Variants in DLG2 observed in about 807,000 individuals in gnomAD.
The protein encoded by DLG2 is disks large homolog 2.
DLG2 carries 45 observed loss-of-function variants against 132.5 expected under a neutral mutation model. The observed-to-expected ratio is 0.34, with a 90% CI of 0.27 to 0.44. The LOEUF (loss-of-function observed/expected upper bound fraction) is 0.44. Ranked by LOEUF, DLG2 falls within the 20% of genes least tolerant of loss-of-function variation. The probability of loss-of-function intolerance (pLI) is 1.00; values close to 1 mark genes in which losing one functional copy is unlikely to be tolerated. For synonymous variants in DLG2, 424 were observed against 419.6 expected, an observed-to-expected ratio of 1.01 and a Z score of -0.13; for missense variants, 1,045 against 1,196.9, an observed-to-expected ratio of 0.87 and a Z score of 1.87.
At chr11:84,059,709 G>C (rs1336477979) in intron 10 of DLG2, among the ~76,000 whole-genome samples, 1 of 152,130 alleles carries the variant, frequency 6.6e-6, no homozygotes, top group Non-Finnish European at 1.5e-5. Flanking sequence ...CTACTGGTCA[G>C]TTCCCATCCT....
intron 4 of DLG2, among the ~76,000 whole-genome samples, chr11:85,221,477 T>C (rs1213160466): frequency 2.0e-5 from 3 of 152,226 alleles, no homozygotes; most frequent in South Asian, 2.1e-4. Flanking sequence ...CTGTTGAACA[T>C]TGTGACCTCT....
intron 3 of DLG2, among the ~76,000 whole-genome samples, chr11:85,540,223 T>A (rs1037590613): frequency 1.3e-5 from 2 of 152,176 alleles, no homozygotes; most frequent in African/African-American, 4.8e-5. Context: ...CTTGTTTCCG[T>A]ACCCAAATGT....
chr11:85,080,844 T>TG (rs2067142914), intron 6 of DLG2, among the ~76,000 whole-genome samples: 2 of 152,130 alleles, frequency 1.3e-5, no homozygotes, highest in Non-Finnish European at 2.9e-5. Context: ...TCTGTAACCT[T>TG]GGGGTGATTA....
intron 3 of DLG2, among the ~76,000 whole-genome samples, chr11:85,503,608 T>A (rs1448662214): frequency 6.6e-6 from 1 of 152,054 alleles, no homozygotes; most frequent in Non-Finnish European, 1.5e-5. Flanking sequence ...TAATGGGTTA[T>A]CATGGGAGTG....
At chr11:84,641,343 C>T (rs964589160) in intron 6 of DLG2, among the ~76,000 whole-genome samples, 7 of 152,142 alleles carry the variant, frequency 4.6e-5, no homozygotes, top group African/African-American at 1.4e-4. Context: ...ATTGCCTAAC[C>T]CATAGTAAGC....
intron 4 of DLG2, among the ~76,000 whole-genome samples, chr11:85,271,427 C>T (rs906090237): frequency 6.6e-6 from 1 of 152,230 alleles, no homozygotes; most frequent in African/African-American, 2.4e-5. Flanking sequence ...GTGGGTGCCC[C>T]CACACAGAGT....
rs190515236 is a variant in DLG2, at chr11:83,812,122, C to T, written c.1722+21492G>A. ...CTACTGAGCTGGAAACACTCTTCTT[C>T]GTAGCCACATGTCATGCTGCCACCC... On this transcript the variant is annotated intron_variant, in intron 17 of 27. Transcript: ENST00000376104. Among the ~76,000 whole-genome samples, 193 of 152,226 alleles carry T rather than the reference C, an allele frequency of 1.3e-3. 1 individual carries two copies. Among genetic ancestry groups the T allele is most frequent in the African/African-American group, 4.3e-3 (178 of 41,556 alleles).
chr11:85,323,916 G>C (rs1300646205), intron 3 of DLG2, among the ~76,000 whole-genome samples: 1 of 152,096 alleles, frequency 6.6e-6, no homozygotes, highest in Non-Finnish European at 1.5e-5. Flanking sequence ...TGGACACTTT[G>C]CCAATTCACC....
rs1246644257 is a variant in DLG2, at chr11:83,951,973, A to G, written c.1340+10912T>C. Among the ~76,000 whole-genome samples the G allele has an allele frequency of 2.0e-5, 3 of 152,182 alleles. 1 individual carries two copies. The highest frequency in any genetic ancestry group is 2.9e-5 in the Non-Finnish European group (2 of 68,042). The stretch of plus-strand genomic sequence containing the variant: ...TTGATGGACTGCATATAGAATATGA[A>G]AGGCGGAAAAAAAGAGAAGGCAAAC... On this transcript the variant is annotated intron_variant, in intron 14 of 27. Transcript: ENST00000376104.
intron 2 of DLG2, among the ~76,000 whole-genome samples, chr11:85,612,823 C>T (rs959176003): frequency 1.3e-5 from 2 of 152,100 alleles, no homozygotes; most frequent in African/African-American, 4.8e-5. Context: ...CTTCATTATC[C>T]TACTACCACA....
chr11:83,541,055 C>A (rs1466641196), intron 20 of DLG2, among the ~76,000 whole-genome samples: 2 of 152,096 alleles, frequency 1.3e-5, no homozygotes, highest in East Asian at 3.9e-4. Context: ...ATTTAGGAAA[C>A]ACTTACACAG....
At chr11:83,937,404 A>AGGC (rs1367321102) in intron 14 of DLG2, among the ~76,000 whole-genome samples, 1 of 148,278 alleles carries the variant, frequency 6.7e-6, no homozygotes, top group Non-Finnish European at 1.5e-5. Flanking sequence ...CTACTCGGGG[A>AGGC]GGCTGAGGCA....
At chr11:83,582,010 G>A (rs1337589225) in intron 19 of DLG2, among the ~76,000 whole-genome samples, 1 of 127,002 alleles carries the variant, frequency 7.9e-6, no homozygotes, top group Non-Finnish European at 1.6e-5. Flanking sequence ...AGGCTGGAGT[G>A]CAATGGCTCA....
At chr11:83,713,159 T>G (rs932997019) in intron 18 of DLG2, among the ~76,000 whole-genome samples, 15 of 152,198 alleles carry the variant, frequency 9.9e-5, no homozygotes, top group Non-Finnish European at 1.9e-4. Context: ...AAATCTTATC[T>G]GTTTTCTTAC....
chr11:83,868,226 A>T (rs2062768571), intron 16 of DLG2, among the ~76,000 whole-genome samples: 1 of 152,186 alleles, frequency 6.6e-6, no homozygotes, highest in Non-Finnish European at 1.5e-5. Flanking sequence ...CCTTCCAAAC[A>T]GTTAAGATGT....
intron 7 of DLG2, among the ~76,000 whole-genome samples, chr11:84,421,060 C>A (rs1467408012): frequency 6.6e-6 from 1 of 152,068 alleles, no homozygotes; most frequent in Non-Finnish European, 1.5e-5. Context: ...TAGGGTGGAG[C>A]CTCATGAATG....
intron 3 of DLG2, among the ~76,000 whole-genome samples, chr11:85,363,361 G>T (rs1396790845): frequency 2.0e-5 from 3 of 152,210 alleles, no homozygotes; most frequent in Non-Finnish European, 4.4e-5. Context: ...AAGGGGAATG[G>T]AAAGGAAAGG....
intron 7 of DLG2, among the ~76,000 whole-genome samples, chr11:84,522,840 C>A (rs2099308657): frequency 6.6e-6 from 1 of 152,170 alleles, no homozygotes; most frequent in African/African-American, 2.4e-5. Flanking sequence ...CCTTGCACAT[C>A]CTGATTATCT....
At chr11:84,691,716 C>T (rs1314216580) in intron 6 of DLG2, among the ~76,000 whole-genome samples, 2 of 150,820 alleles carry the variant, frequency 1.3e-5, no homozygotes, top group Non-Finnish European at 3.0e-5. Context: ...CATGTATATA[C>T]GTGTTACTTT....
Sources: allele counts gnomAD v4.1 joint callset (sites outside exome capture counted in the v4.1 genomes callset), GRCh38; gene constraint gnomAD v4.1.1; transcripts MANE v1.5; gene names NCBI Gene and HGNC (gene_info 2026-07-23, HGNC 2026-07-21).